The following BCR variants were observed in gnomAD, a reference collection of about 807,000 sequenced individuals.
BCR encodes the protein BCR activator of RhoGEF and GTPase.
Under a neutral mutation model 138.6 loss-of-function variants are expected in BCR, and 58 were observed. The ratio of observed to expected loss-of-function variants is 0.42; its 90% confidence interval spans 0.34 to 0.52. The LOEUF is 0.52. Among genes scored for constraint, BCR ranks in the 20% least tolerant of loss-of-function variants. BCR has a pLI of 0.06. For missense variants in BCR, 1,599 were observed against 1,727.2 expected (o/e 0.93, Z 1.32); for synonymous variants, 786 against 730.1 (o/e 1.08, Z -1.23).
chr22:23,236,470 C>T, intron 1 of BCR, among the ~76,000 whole-genome samples: 1 of 152,224 alleles, frequency 6.6e-6, no homozygotes, highest in Non-Finnish European at 1.5e-5. Flanking sequence ...CTGAACATCC[C>T]AGGCTTTCCT....
At chr22:23,313,158 A>C (rs1287408731) in intron 20 of BCR, 137 bp downstream of exon 20, 2 of 1,123,224 alleles carry the variant, frequency 1.8e-6, no homozygotes, top group Non-Finnish European at 2.5e-6. Flanking sequence ...CCCAACCTCA[A>C]AAAGCAGGGG....
chr22:23,258,089 G>T (rs1051187024), intron 2 of BCR, among the ~76,000 whole-genome samples: 3 of 152,072 alleles, frequency 2.0e-5, no homozygotes, highest in African/African-American at 7.2e-5. Context: ...CTTTTCCTTG[G>T]AGCTGCTCTC....
At chr22:23,188,615 T>G (rs2146197842) in intron 1 of BCR, among the ~76,000 whole-genome samples, 1 of 152,276 alleles carries the variant, frequency 6.6e-6, no homozygotes, top group South Asian at 2.1e-4. Flanking sequence ...TCTTGGAAGC[T>G]TTCTCAGGTT....
At position 23,181,755 on chromosome 22, in the gene BCR, C is replaced by T. The variant is rs913127639; in HGVS notation, c.795C>T (p.Gly265=). 8 of 1,605,008 alleles carry T rather than the reference C, an allele frequency of 5.0e-6. No individual in the cohort carries two copies. The highest frequency in any genetic ancestry group is 6.8e-6 in the Non-Finnish European group (8 of 1,179,968). Residue 265 remains glycine (G), a synonymous_variant, in exon 1 of 23, where the codon GGC becomes GGT. Transcript: ENST00000305877. ...AGGACAACCTGATCGACGCCAATGG[C>T]GGTAGCAGGCCCCCTTGGCCGCCCC... The part of the protein sequence containing the change: ...FLKDNLIDAN[G]GSRPPWPPLE...
rs1003334611 is a variant in BCR, at chr22:23,315,782, G to A, written c.*260G>A. 49 of 563,456 alleles carry A rather than the reference G, an allele frequency of 8.7e-5. 1 individual carries two copies. Among genetic ancestry groups the A allele is most frequent in the South Asian group, 6.4e-4 (38 of 59,078 alleles). The allele number at this position is 563,456 out of a possible 1,614,324, so 34.9% of individuals were successfully genotyped here. ...GCGCCCCAAGCCAGTTCATCTCGGA[G>A]TCCAGGCCTGGCCCTGGGAGACAGG... On this transcript the variant is annotated 3_prime_UTR_variant, in exon 23 of 23. Transcript: ENST00000305877.
At position 23,235,514 on chromosome 22, in the gene BCR, C is replaced by T. The variant is rs2073013352; in HGVS notation, c.1280-18285C>T. 1.5e-5 allele frequency among the ~76,000 whole-genome samples: 2 copies of T among 132,066 alleles called. 1 individual carries two copies. Among genetic ancestry groups the T allele is most frequent in the Non-Finnish European group, 3.5e-5 (2 of 56,470 alleles). 86.6% of individuals were successfully genotyped at this position (132,066 alleles called of 152,430 possible). On this transcript the variant is annotated intron_variant, in intron 1 of 22. Coordinates refer to ENST00000305877, the MANE Select transcript of BCR (RefSeq NM_004327.4). Reference sequence around the variant, plus strand: ...GTATATTCCCACTGGGTGGCGAGGACATAGATGTCCAGGCCCATGTGTTCC... The same window carrying T: ...GTATATTCCCACTGGGTGGCGAGGATATAGATGTCCAGGCCCATGTGTTCC...
chr22:23,185,815 G>A (rs1245793646), intron 1 of BCR, among the ~76,000 whole-genome samples: 2 of 151,270 alleles, frequency 1.3e-5, no homozygotes, highest in Non-Finnish European at 2.9e-5. Context: ...TGCAAGCTCC[G>A]CCTCTCGGCT....
rs1484300570 is a variant in BCR at position 23,316,472 on chromosome 22, G to A, written c.*950G>A. 5.9e-6 allele frequency: 1 copy of A among 170,706 alleles called. No individual in the cohort carries two copies. Among genetic ancestry groups the A allele is most frequent in the African/African-American group, 3.1e-5 (1 of 32,572 alleles). 10.6% of individuals were successfully genotyped at this position (170,706 alleles called of 1,614,324 possible). ...GGTGGCAGCAGCTTGCTGATGACTT[G>A]TTTTAAAACTTTCATCCTAAATAAC... On this transcript the variant is annotated 3_prime_UTR_variant, in exon 23 of 23. Transcript: ENST00000305877.
chr22:23,286,826 A>G (rs5759679), intron 10 of BCR, among the ~76,000 whole-genome samples: 51,929 of 152,068 alleles, frequency 0.34, 9,925 homozygotes, highest in African/African-American at 0.51. Flanking sequence ...GCAGCCTCCT[A>G]GACATTGTCT....
rs924226383 is a variant in BCR, at chr22:23,262,885, CG to C, written c.1752+1350del. ...GCAGACGGCGAAGGAGGCAGCGGGC[CG>C]GGGGCTGAGGCGGGAGCGAGGACAC... On this transcript the variant is annotated intron_variant, in intron 4 of 22. Coordinates refer to ENST00000305877, the MANE Select transcript of BCR (RefSeq NM_004327.4). 9 of 1,065,540 alleles carry C rather than the reference CG, an allele frequency of 8.4e-6. No individual in the cohort carries two copies. In the Admixed American group the frequency reaches 4.7e-4, roughly 56 times the overall value. The allele number at this position is 1,065,540 out of a possible 1,614,324, so 66.0% of individuals were successfully genotyped here. A position where few individuals can be genotyped will look rare whatever the true frequency, so the allele number is the denominator to read the frequency against.
intron 4 of BCR, chr22:23,264,200 T>C (rs1327197749): frequency 8.3e-7 from 1 of 1,211,596 alleles, no homozygotes; most frequent in African/African-American, 1.5e-5. Context: ...TCTATAGCGT[T>C]GTACGGCTGT....
intron 2 of BCR, among the ~76,000 whole-genome samples, chr22:23,255,878 T>C (rs190347480): frequency 6.9e-4 from 105 of 152,342 alleles, no homozygotes; most frequent in African/African-American, 2.4e-3. Flanking sequence ...GTCCAGAGTT[T>C]CCAATCCCAA....
In BCR at chr22:23,181,910, C is replaced by A. The variant is rs770723511; in HGVS notation, c.950C>A (p.Ser317Tyr). 2 of 1,613,400 alleles carry A rather than the reference C, an allele frequency of 1.2e-6. No homozygotes were observed. Among genetic ancestry groups the A allele is most frequent in the South Asian group, 1.1e-5 (1 of 91,070 alleles). ...CTTACCTGGCCCCGCAGGTCCTACT[C>A]CCCCCGGAGTTTTGAGGATTGCGGA... ...KRLTWPRRSY[S>Y]PRSFEDCGGG... Residue 317 changes from serine (S) to tyrosine (Y), a missense_variant, in exon 1 of 23, where the codon TCC (serine) becomes TAC (tyrosine). Physicochemically the swap from Ser to Tyr is moderately radical, Grantham distance 144 (BLOSUM62 -2). This residue lies in a region of BCR where 806 missense variants were observed against 635.0 expected (regional missense o/e 1.27). Transcript: ENST00000305877.
At chr22:23,297,792 G>A (rs1361136689) in intron 16 of BCR, among the ~76,000 whole-genome samples, 1 of 152,078 alleles carries the variant, frequency 6.6e-6, no homozygotes, top group Non-Finnish European at 1.5e-5. Context: ...GGACCTCTGA[G>A]TACTATTGCT....
At chr22:23,276,208 G>A (rs1009565706) in intron 8 of BCR, among the ~76,000 whole-genome samples, 2 of 152,060 alleles carry the variant, frequency 1.3e-5, no homozygotes, top group Non-Finnish European at 2.9e-5. Flanking sequence ...GACCATCCTG[G>A]CTAACACGAT....
At chr22:23,308,548 G>A (rs1214835562) in intron 16 of BCR, among the ~76,000 whole-genome samples, 3 of 152,184 alleles carry the variant, frequency 2.0e-5, no homozygotes, top group Non-Finnish European at 4.4e-5. Context: ...CTCGTGATCC[G>A]CCCACCTCAG....
intron 1 of BCR, among the ~76,000 whole-genome samples, chr22:23,188,310 A>T (rs2072373094): frequency 6.6e-6 from 1 of 152,216 alleles, no homozygotes; most frequent in Non-Finnish European, 1.5e-5. Context: ...ATTTCACTGA[A>T]GAAGGAGCTG....
At chr22:23,302,119 A>G (rs2073908427) in intron 16 of BCR, among the ~76,000 whole-genome samples, 1 of 151,938 alleles carries the variant, frequency 6.6e-6, no homozygotes, top group South Asian at 2.1e-4. Context: ...CTATCGTGCA[A>G]GAAGGGAGGT....
At chr22:23,273,233 C>T in intron 7 of BCR, 100 bp downstream of exon 7, 1 of 1,336,836 alleles carries the variant, frequency 7.5e-7, no homozygotes, top group Non-Finnish European at 1.0e-6. Flanking sequence ...ATAGCTGCAG[C>T]CAAGGGGGTG....
Sources: allele counts gnomAD v4.1 joint callset (sites outside exome capture counted in the v4.1 genomes callset), GRCh38; gene constraint gnomAD v4.1.1; regional missense constraint gnomAD v4.1.1; transcripts MANE v1.5; gene names NCBI Gene and HGNC (gene_info 2026-07-23, HGNC 2026-07-21).